Variants in TCOF1 observed in about 807,000 individuals in gnomAD.
TCOF1 encodes the protein treacle protein.
TCOF1 carries 33 observed loss-of-function variants against 149.0 expected under a neutral mutation model. The ratio of observed to expected loss-of-function variants is 0.22; its 90% CI spans 0.17 to 0.30. The LOEUF is 0.30. Ranked by LOEUF, TCOF1 falls within the 10% of genes least tolerant of loss-of-function variation. The pLI is 1.00. For missense variants in TCOF1, 1,728 were observed against 1,840.7 expected, an observed-to-expected ratio of 0.94 and a Z score of 1.12; for synonymous variants, 789 against 738.8, an observed-to-expected ratio of 1.07 and a Z score of -1.10.
intron 24 of TCOF1, 141 bp downstream of exon 24, chr5:150,396,983 C>A (rs1481421027): frequency 1.7e-5 from 17 of 1,014,320 alleles, no homozygotes; most frequent in Non-Finnish European, 2.5e-5. Flanking sequence ...CATGGCAAAA[C>A]CCCGTCTCTA....
chr5:150,385,678 A>T (rs1487513479), intron 17 of TCOF1, among the ~76,000 whole-genome samples: 1 of 152,208 alleles, frequency 6.6e-6, no homozygotes, highest in Non-Finnish European at 1.5e-5. Context: ...AGGCACAGTT[A>T]GAATGAGCTC....
Position 150,396,479 on chromosome 5 carries a change from A to G in TCOF1, c.3982A>G (p.Arg1328Gly), listed in dbSNP as rs1459327113. The change falls in exon 24 of 27, where the codon AGA becomes GGA. Residue 1328 changes from arginine to glycine, a missense_variant. Physicochemically the swap from Arg to Gly is moderately radical, Grantham distance 125. This residue lies in a region of TCOF1 where 1,696 missense variants were observed against 1,765.4 expected (regional missense o/e 0.96). Transcript: ENST00000643257. ...CCTGACTGAGCTGCTGGAACAGGAA[A>G]GAAAGAAGGTGGTGGACACCACCAA... ...KVLTELLEQE[R>G]KKVVDTTKES... 6.2e-7 allele frequency: 1 copy of G among 1,613,992 alleles called. No individual in the cohort carries two copies. Among genetic ancestry groups the G allele is most frequent in the Non-Finnish European group, 8.5e-7 (1 of 1,179,988 alleles).
chr5:150,358,026 C>G (rs1287978976), intron 1 of TCOF1, among the ~76,000 whole-genome samples, 172 bp downstream of exon 1: 3 of 152,248 alleles, frequency 2.0e-5, no homozygotes, highest in African/African-American at 7.2e-5. Context: ...CTTCCCACTG[C>G]GACTTCAGTT....
In TCOF1 at chr5:150,396,629, G is replaced by A. The variant is rs919793933; in HGVS notation, c.4132G>A (p.Val1378Ile). 1 of 1,600,326 alleles carries A rather than the reference G, an allele frequency of 6.2e-7. No homozygotes were observed. ...GGCCGGGGAAGGTGGGGAGGCCTCT[G>A]TTTCCCCAGAAAAGACCTCCACGAC... is the stretch of plus-strand genomic sequence containing the variant. ...LGAGEGGEAS[V>I]SPEKTSTTSK... The change falls in exon 24 of 27, where the codon GTT becomes ATT. Residue 1378 changes from valine to isoleucine, a missense_variant. By Grantham distance (29) the Val-to-Ile change is conservative. Coordinates refer to ENST00000643257, the MANE Select transcript of TCOF1 (RefSeq NM_001371623.1).
intron 1 of TCOF1, among the ~76,000 whole-genome samples, chr5:150,359,662 C>T (rs541335703): frequency 2.8e-4 from 42 of 152,240 alleles, no homozygotes; most frequent in African/African-American, 2.4e-4. Context: ...CTCTTCCTAC[C>T]GCAGCTATGG....
intron 8 of TCOF1, 81 bp from the exon 9 acceptor site, chr5:150,374,536 A>G (rs1006415707): frequency 2.3e-5 from 37 of 1,600,148 alleles, no homozygotes; most frequent in Middle Eastern, 2.2e-4. Flanking sequence ...CATTTGCCCT[A>G]TCTGGTCTTC....
In TCOF1 at chr5:150,374,295, A is replaced by G; in HGVS notation, c.992A>G (p.Lys331Arg). 3 of 1,591,992 alleles carry G rather than the reference A, an allele frequency of 1.9e-6. No individual in the cohort carries two copies. The South Asian group carries it at 3.4e-5, about 18-fold the overall frequency. ...GCAGGGGCTGTAGCCTCCCAGACCAAGGCAGGGAAGCCAGAGGAGGACTCA... is the reference window on the plus strand; with the variant it reads ...GCAGGGGCTGTAGCCTCCCAGACCAGGGCAGGGAAGCCAGAGGAGGACTCA... The part of the protein sequence containing the change: ...GKAGAVASQT[K>R]AGKPEEDSES... The change falls in exon 8 of 27, where the codon AAG becomes AGG. Residue 331 changes from lysine to arginine, a missense_variant. Transcript: ENST00000643257.
chr5:150,374,603 T>A lies in TCOF1; in HGVS notation c.1084-14T>A, dbSNP rs756453111. The A allele has an allele frequency of 1.9e-6, 3 of 1,611,622 alleles. No individual in the cohort carries two copies. Among genetic ancestry groups the A allele is most frequent in the Non-Finnish European group, 2.5e-6 (3 of 1,179,666 alleles). On this transcript the variant is annotated splice_polypyrimidine_tract_variant and intron_variant, in intron 8 of 26. Transcript: ENST00000643257. ...CCATCCTCTGGGCTGTCTCCCCTTG[T>A]CTTGTTTCTCCAGGCGAAGGCCTCA...
intron 18 of TCOF1, among the ~76,000 whole-genome samples, 166 bp downstream of exon 18, chr5:150,388,254 C>T (rs1342859742): frequency 6.6e-6 from 1 of 152,204 alleles, no homozygotes; most frequent in East Asian, 1.9e-4. Context: ...TAGGGCCTGG[C>T]TCAGACCTGC....
chr5:150,376,615 G>A lies in TCOF1; in HGVS notation c.2335G>A (p.Ala779Thr), dbSNP rs1376773982. 1 of 1,562,726 alleles carries A rather than the reference G, an allele frequency of 6.4e-7. No individual in the cohort carries two copies. The highest frequency in any genetic ancestry group is 1.2e-5 in the South Asian group (1 of 85,510). The stretch of plus-strand genomic sequence containing the variant: ...CAGTGAGGAAGCAGCTGCATCTCCA[G>A]CACAGGTGAGGCCTAGAAGGAGCAG... ...SDSEEAAASPAQVKTSVKKTQ... is the reference protein window; with the variant it reads ...SDSEEAAASPTQVKTSVKKTQ... The change falls in exon 14 of 27, where the codon GCA becomes ACA. Residue 779 changes from alanine to threonine, a missense_variant. Physicochemically the swap from Ala to Thr is moderately conservative, Grantham distance 58. Transcript: ENST00000643257.
intron 4 of TCOF1, chr5:150,368,380 A>G: frequency 2.5e-6 from 1 of 400,700 alleles, no homozygotes; most frequent in South Asian, 2.5e-5. Flanking sequence ...AGATACATAC[A>G]TGTATAAAGA....
At chr5:150,372,396 C>T (rs928951804) in intron 7 of TCOF1, among the ~76,000 whole-genome samples, 160 bp downstream of exon 7, 56 of 152,344 alleles carry the variant, frequency 3.7e-4, no homozygotes, top group Admixed American at 3.5e-3. Context: ...GGGAGTCTTG[C>T]ACTCCACTTT....
chr5:150,358,348 T>A (rs1759163261), intron 1 of TCOF1, among the ~76,000 whole-genome samples: 1 of 152,094 alleles, frequency 6.6e-6, no homozygotes, highest in South Asian at 2.1e-4. Context: ...ACGGTCAGCT[T>A]TGGTACTCGA....
At chr5:150,390,253 T>G (rs1248650477) in intron 19 of TCOF1, among the ~76,000 whole-genome samples, 1 of 152,228 alleles carries the variant, frequency 6.6e-6, no homozygotes, top group Non-Finnish European at 1.5e-5. Context: ...AAGCAAGCCC[T>G]GCAGCACTCG....
chr5:150,399,026 A>C lies in TCOF1; in HGVS notation c.4448A>C (p.Lys1483Thr), dbSNP rs1256634783. The C allele has an allele frequency of 1.2e-6, 2 of 1,614,244 alleles. No individual in the cohort carries two copies. Among genetic ancestry groups the C allele is most frequent in the Non-Finnish European group, 1.7e-6 (2 of 1,180,048 alleles). The change falls in exon 26 of 27, where the codon AAG (lysine) becomes ACG (threonine). Residue 1483 changes from lysine (K) to threonine (T), a missense_variant. Lys to Thr is a moderately conservative substitution (Grantham distance 78). Transcript: ENST00000643257. The stretch of plus-strand genomic sequence containing the variant: ...CTCGTACTTCCCTCCTCACAGAAGA[A>C]GACAGCAGAGCAGACTGTATGACGA... ...PSQKKKKKKK[K>T]TAEQTV
Position 150,374,847 on chromosome 5 carries a change from G to T in TCOF1, c.1278+36G>T, listed in dbSNP as rs367766345. ...GGGGAGGGGTGGAGAGTAGCCCCAT[G>T]CCTAAACCCCAGCACCTGCATGGGT... is the stretch of plus-strand genomic sequence containing the variant. On this transcript the variant is annotated intron_variant, in intron 9 of 26. Transcript: ENST00000643257. The T allele has an allele frequency of 1.8e-4, 282 of 1,606,854 alleles. 1 individual carries two copies. The highest frequency in any genetic ancestry group is 2.3e-4 in the Non-Finnish European group (269 of 1,176,652).
At chr5:150,391,317 A>T (rs1318071408) in intron 19 of TCOF1, among the ~76,000 whole-genome samples, 2 of 152,316 alleles carry the variant, frequency 1.3e-5, no homozygotes, top group East Asian at 3.9e-4. Flanking sequence ...CAGATTGAGT[A>T]GTGGGGCCTA....
Position 150,389,883 on chromosome 5 carries a change from T to G in TCOF1, c.3047-4T>G, listed in dbSNP as rs1384366293. 5.6e-6 allele frequency: 9 copies of G among 1,614,106 alleles called. No homozygotes were observed. Among genetic ancestry groups the G allele is most frequent in the Non-Finnish European group, 6.8e-6 (8 of 1,180,050 alleles). ...TGATGTGCCCCCATCTCGCTCCATT[T>G]CAGGCATCAGAACCAATGTGGTGAC... On this transcript the variant is annotated splice_region_variant and splice_polypyrimidine_tract_variant and intron_variant, in intron 18 of 26. Transcript: ENST00000643257.
chr5:150,385,841 GTGCTGGTTTTGC>G (rs762218391), intron 17 of TCOF1, among the ~76,000 whole-genome samples: 2 of 152,196 alleles, frequency 1.3e-5, no homozygotes, highest in Non-Finnish European at 2.9e-5. Context: ...GTTCAGGCCA[GTGCTGGTTTTGC>G]TGCTTCACTC....
Sources: gnomAD v4.1 joint callset for allele counts (sites outside exome capture counted in the v4.1 genomes callset) on GRCh38, gnomAD v4.1.1 for gene constraint, gnomAD v4.1.1 regional missense constraint, MANE v1.5 for transcripts, NCBI Gene and HGNC (gene_info 2026-07-23, HGNC 2026-07-21) for gene names.